USP9X: variants seen among roughly 807,000 people sequenced by gnomAD.
The protein encoded by USP9X is ubiquitin carboxyl-terminal hydrolase 9X.
Under a neutral mutation model 190.3 loss-of-function variants are expected in USP9X, and 7 were observed. That is an observed-to-expected ratio of 0.04 (90% CI 0.02 to 0.07). The LOEUF (loss-of-function observed/expected upper bound fraction) is 0.07. Among genes scored for constraint, USP9X ranks in the 10% least tolerant of loss-of-function variants. The pLI, the probability that USP9X is intolerant of heterozygous loss-of-function variation, is 1.00. For synonymous variants in USP9X, 645 were observed against 659.5 expected (o/e 0.98, Z 0.34); for missense variants, 1,010 against 1,916.9 (o/e 0.53, Z 8.83).
chrX:41,164,932 C>T (rs2062666013), intron 15 of USP9X, among the ~76,000 whole-genome samples: 1 of 111,506 alleles, frequency 9.0e-6, no homozygotes, highest in African/African-American at 3.3e-5. Flanking sequence ...TTTCTTTTTC[C>T]TCTCCCAACA....
At chrX:41,120,008 ATT>A (rs111414070) in intron 1 of USP9X, among the ~76,000 whole-genome samples, 1 of 108,000 alleles carries the variant, frequency 9.3e-6, no homozygotes, top group East Asian at 2.9e-4. Flanking sequence ...AGACTTTTTC[ATT>A]TTTTTTTTCC....
rs781768060 is a variant in USP9X at position 41,224,841 on chromosome X, G to A, written c.6851G>A (p.Ser2284Asn). The change falls in exon 40 of 45, where the codon AGT becomes AAT. Residue 2284 changes from serine to asparagine, a missense_variant. By Grantham distance (46) the Ser-to-Asn change is conservative. Transcript: ENST00000378308. ...NVADILFVRT[S>N]YVKKIIEDCS... ...GCAGACATTTTATTTGTGAGAACAA[G>A]TTATGTGAAGAAAATCATTGAAGAC... is the stretch of plus-strand genomic sequence containing the variant. 1 of 1,211,665 alleles carries A rather than the reference G, an allele frequency of 8.3e-7. No homozygotes were observed. Among genetic ancestry groups the A allele is most frequent in the Non-Finnish European group, 1.1e-6 (1 of 895,434 alleles).
intron 4 of USP9X, among the ~76,000 whole-genome samples, 155 bp from the exon 5 acceptor site, chrX:41,134,570 T>TA (rs1476557539): frequency 1.8e-5 from 2 of 112,839 alleles, no homozygotes; most frequent in Non-Finnish European, 3.7e-5. Flanking sequence ...CAGTTAGTGT[T>TA]AATATTACTC....
Position 41,170,458 on chromosome X carries a change from T to G in USP9X, c.2878-12T>G. 1 of 1,205,706 alleles carries G rather than the reference T, an allele frequency of 8.3e-7. No individual in the cohort carries two copies. Among genetic ancestry groups the G allele is most frequent in the Non-Finnish European group, 1.1e-6 (1 of 891,017 alleles). ...CCTTGTTTTTGATATTAACATAGTA[T>G]ATAATTTTCAGCTTATTACAGCCAA... On this transcript the variant is annotated splice_polypyrimidine_tract_variant and intron_variant, in intron 19 of 44. Coordinates refer to ENST00000378308, the MANE Select transcript of USP9X (RefSeq NM_001039591.3).
intron 2 of USP9X, among the ~76,000 whole-genome samples, chrX:41,124,675 A>G (rs1232950733): frequency 1.8e-5 from 2 of 111,592 alleles, no homozygotes; most frequent in East Asian, 5.6e-4. Context: ...TCTACCCCAT[A>G]AATACATACA....
intron 2 of USP9X, among the ~76,000 whole-genome samples, chrX:41,124,347 AG>A (rs917467260): frequency 5.5e-5 from 6 of 109,376 alleles, no homozygotes; most frequent in Admixed American, 2.0e-4. Flanking sequence ...CGGGAGGCTG[AG>A]GCAGAAGAAT....
chrX:41,144,097 T>C (rs759027042), intron 10 of USP9X, among the ~76,000 whole-genome samples: 1 of 112,021 alleles, frequency 8.9e-6, no homozygotes, highest in Admixed American at 9.5e-5. Context: ...AATTGTCAAA[T>C]TAAATAAATT....
intron 41 of USP9X, among the ~76,000 whole-genome samples, chrX:41,228,361 A>G (rs1434998085): frequency 1.8e-5 from 2 of 112,308 alleles, no homozygotes; most frequent in Non-Finnish European, 3.8e-5. Context: ...GTTCAGGGAA[A>G]GACAGGACTA....
At chrX:41,229,009 C>T (rs1350871282) in intron 41 of USP9X, 1 of 226,302 alleles carries the variant, frequency 4.4e-6, no homozygotes, top group Non-Finnish European at 7.8e-6. Flanking sequence ...TGGGCTGAGG[C>T]AGGAGAGAGG....
intron 1 of USP9X, among the ~76,000 whole-genome samples, chrX:41,091,945 C>T (rs1245423222): frequency 3.6e-5 from 4 of 111,936 alleles, no homozygotes; most frequent in Admixed American, 2.8e-4. Flanking sequence ...TATTACAGAG[C>T]ACCTAGAATA....
chrX:41,124,489 A>G (rs2062219578), intron 2 of USP9X, among the ~76,000 whole-genome samples: 1 of 111,884 alleles, frequency 8.9e-6, no homozygotes, highest in African/African-American at 3.2e-5. Context: ...GTAACAAGAA[A>G]GCTCAAGTGG....
At chrX:41,150,802 T>A (rs977317504) in intron 12 of USP9X, 119 bp from the exon 13 acceptor site, 3 of 730,103 alleles carry the variant, frequency 4.1e-6, no homozygotes, top group Admixed American at 9.0e-5. Context: ...AATTACAACA[T>A]GATGCTTGTA....
At chrX:41,165,835 C>T (rs1381497667) in intron 15 of USP9X, 37 bp from the exon 16 acceptor site, 1 of 1,154,186 alleles carries the variant, frequency 8.7e-7, no homozygotes, top group Non-Finnish European at 1.2e-6. Context: ...ATAAAAATTA[C>T]ATAAATCTAA....
chrX:41,153,109 T>C lies in USP9X; in HGVS notation c.1897+28T>C, dbSNP rs138465796. 6.3e-5 allele frequency: 74 copies of C among 1,170,393 alleles called. No homozygotes were observed. In the East Asian group the frequency reaches 1.3e-3, roughly 20 times the overall value. Reference sequence around the variant, plus strand: ...ATGTATTGTAAGCTAAAATAAACTATGGGAAATAGCAGGGACCTTTTTTTG... The same window carrying C: ...ATGTATTGTAAGCTAAAATAAACTACGGGAAATAGCAGGGACCTTTTTTTG... On this transcript the variant is annotated intron_variant, in intron 14 of 44. Coordinates refer to ENST00000378308, the MANE Select transcript of USP9X (RefSeq NM_001039591.3).
chrX:41,125,122 C>G (rs2062225320), intron 2 of USP9X, among the ~76,000 whole-genome samples: 1 of 111,406 alleles, frequency 9.0e-6, no homozygotes, highest in Admixed American at 9.5e-5. Flanking sequence ...TTTGCCCAGG[C>G]TGGAGTGCAG....
chrX:41,096,405 T>TAC (rs2061991942), intron 1 of USP9X, among the ~76,000 whole-genome samples: 1 of 112,505 alleles, frequency 8.9e-6, no homozygotes, highest in African/African-American at 3.2e-5. Flanking sequence ...AGTGGAAGGG[T>TAC]ACTGGACTTG....
chrX:41,108,903 A>G (rs1345179064), intron 1 of USP9X, among the ~76,000 whole-genome samples: 1 of 111,201 alleles, frequency 9.0e-6, no homozygotes, highest in Non-Finnish European at 1.9e-5. Flanking sequence ...GCCTAGCTGG[A>G]AAAAAGAGCC....
intron 1 of USP9X, among the ~76,000 whole-genome samples, chrX:41,096,473 C>T (rs183761159): frequency 5.6e-4 from 63 of 111,757 alleles, no homozygotes; most frequent in Admixed American, 4.2e-3. Context: ...GACAGAGTCT[C>T]GCTCTGCCGC....
intron 21 of USP9X, among the ~76,000 whole-genome samples, chrX:41,177,126 G>T (rs185839204): frequency 8.9e-6 from 1 of 111,747 alleles, no homozygotes; most frequent in Non-Finnish European, 1.9e-5. Context: ...CTAAAAACAA[G>T]AATGTTCTCA....
Sources: allele counts gnomAD v4.1 joint callset (sites outside exome capture counted in the v4.1 genomes callset), GRCh38; gene constraint gnomAD v4.1.1; transcripts MANE v1.5; gene names NCBI Gene and HGNC (gene_info 2026-07-23, HGNC 2026-07-21).